SPNS2: variants seen among roughly 807,000 people sequenced by gnomAD.
The protein encoded by SPNS2 is SPNS lysolipid transporter 2, sphingosine-1-phosphate.
SPNS2 carries 37 observed loss-of-function variants against 57.6 expected under a neutral mutation model. That is an observed-to-expected ratio of 0.64 (90% CI 0.49 to 0.85). The LOEUF is 0.85. Among genes scored for constraint, SPNS2 ranks in the 40% least tolerant of loss-of-function variants. The pLI, the probability that SPNS2 is intolerant of heterozygous loss-of-function variation, is 0.00. For synonymous variants in SPNS2, 440 were observed against 346.9 expected, an observed-to-expected ratio of 1.27 and a Z score of -2.98; for missense variants, 831 against 779.1, an observed-to-expected ratio of 1.07 and a Z score of -0.79.
intron 2 of SPNS2, among the ~76,000 whole-genome samples, chr17:4,516,316 C>CAAAAAAA (rs67710825): frequency 1.0e-4 from 7 of 67,504 alleles, no homozygotes; most frequent in African/African-American, 3.0e-4. Context: ...TCTATCTCCC[C>CAAAAAAA]AAAAAAAAAA....
At position 4,532,566 on chromosome 17, in the gene SPNS2, A is replaced by C; in HGVS notation, c.817A>C (p.Thr273Pro). 6.2e-7 allele frequency: 1 copy of C among 1,614,072 alleles called. No homozygotes were observed. The highest frequency in any genetic ancestry group is 8.5e-7 in the Non-Finnish European group (1 of 1,180,026). Residue 273 changes from threonine (T) to proline (P), a missense_variant, in exon 6 of 13, where the codon ACA (threonine) becomes CCA (proline). Thr to Pro is a conservative substitution (Grantham distance 38). Coordinates refer to ENST00000329078, the MANE Select transcript of SPNS2 (RefSeq NM_001124758.3). ...GGTGTCCCCTGTCCTGGGCATGATC[A>C]CAGGAACACTCATCCTCATTCTGGT... ...LRVSPVLGMI[T>P]GTLILILVPA... is the part of the protein sequence containing the mutation.
rs752111711 is a variant in SPNS2, at chr17:4,538,080, G to T, written c.*632G>T. ...TGGAGGACACTGTCTCACTGTCTCG[G>T]GTTGGCTCCCAGCCTGGAGGTCCCA... On this transcript the variant is annotated 3_prime_UTR_variant, in exon 13 of 13. Transcript: ENST00000329078. 6.5e-5 allele frequency: 22 copies of T among 337,360 alleles called. No homozygotes were observed. Among genetic ancestry groups the T allele is most frequent in the Non-Finnish European group, 1.1e-4 (18 of 169,716 alleles). 20.9% of individuals were successfully genotyped at this position (337,360 alleles called of 1,614,324 possible).
At chr17:4,520,086 C>T (rs1033000727) in intron 2 of SPNS2, among the ~76,000 whole-genome samples, 9 of 152,222 alleles carry the variant, frequency 5.9e-5, no homozygotes, top group Admixed American at 2.0e-4. Flanking sequence ...CTGTGCCTTC[C>T]TAATTTGGTC....
chr17:4,527,153 T>C (rs1905280898), intron 3 of SPNS2, among the ~76,000 whole-genome samples: 1 of 152,346 alleles, frequency 6.6e-6, no homozygotes, highest in African/African-American at 2.4e-5. Flanking sequence ...TGCACTGAAA[T>C]CACAATTTGC....
Position 4,532,683 on chromosome 17 carries a change from A to T in SPNS2, c.934A>T (p.Asn312Tyr). The change falls in exon 6 of 13, where the codon AAC (asparagine) becomes TAC (tyrosine). Residue 312 changes from asparagine to tyrosine, a missense_variant and splice_region_variant. Physicochemically the swap from Asn to Tyr is moderately radical, Grantham distance 143 (BLOSUM62 -2). Around this residue, in one of 2 missense-constraint regions of SPNS2, gnomAD observed 526 missense variants for 400.9 expected, o/e 1.31. Coordinates refer to ENST00000329078, the MANE Select transcript of SPNS2 (RefSeq NM_001124758.3). ...WLRDMKALIR[N>Y]RSYVFSSLAT... ...CCGAGATATGAAGGCCCTGATTCGA[A>T]AGTGAGTACCGCGGGAAGGGGTCTG... is the stretch of plus-strand genomic sequence containing the variant. 1 of 1,613,624 alleles carries T rather than the reference A, an allele frequency of 6.2e-7. No homozygotes were observed. Among genetic ancestry groups the T allele is most frequent in the Non-Finnish European group, 8.5e-7 (1 of 1,179,792 alleles).
At position 4,510,100 on chromosome 17, in the gene SPNS2, C is replaced by T. The variant is rs1465588129; in HGVS notation, c.371-3147C>T. Among the ~76,000 whole-genome samples the T allele has an allele frequency of 1.3e-5, 2 of 152,256 alleles. No homozygotes were observed. The highest frequency in any genetic ancestry group is 2.4e-5 in the African/African-American group (1 of 41,480). On this transcript the variant is annotated intron_variant, in intron 1 of 12. Coordinates refer to ENST00000329078, the MANE Select transcript of SPNS2 (RefSeq NM_001124758.3). The surrounding 1 kb of genome is among the most constrained non-coding windows in gnomAD (Gnocchi z 4.4). Reference sequence around the variant, plus strand: ...CTGTGACACACGCTTCCCGTGCCAGCGGCCAGCGGGATCTCACCCTCCTGT... The same window carrying T: ...CTGTGACACACGCTTCCCGTGCCAGTGGCCAGCGGGATCTCACCCTCCTGT...
intron 1 of SPNS2, among the ~76,000 whole-genome samples, chr17:4,501,575 C>A (rs1904514973): frequency 6.6e-6 from 1 of 152,178 alleles, no homozygotes; most frequent in Non-Finnish European, 1.5e-5. Context: ...CACCACCCCA[C>A]CCCCAACACA....
In SPNS2 at chr17:4,499,300, A is replaced by G. The variant is rs1904389479; in HGVS notation, c.253A>G (p.Lys85Glu). The G allele has an allele frequency of 4.7e-6, 7 of 1,494,664 alleles. No homozygotes were observed. The highest frequency in any genetic ancestry group is 6.2e-6 in the Non-Finnish European group (7 of 1,129,024). 92.6% of individuals were successfully genotyped at this position (1,494,664 alleles called of 1,614,324 possible). The change falls in exon 1 of 13, where the codon AAG (lysine) becomes GAG (glutamate). Residue 85 changes from lysine to glutamate, a missense_variant. Physicochemically the swap from Lys to Glu is moderately conservative, Grantham distance 56. Around this residue, in one of 2 missense-constraint regions of SPNS2, gnomAD observed 305 missense variants for 378.3 expected, o/e 0.81. Coordinates refer to ENST00000329078, the MANE Select transcript of SPNS2 (RefSeq NM_001124758.3). The surrounding 1 kb of genome is among the most constrained non-coding windows in gnomAD (Gnocchi z 5.2). ...CACCCCCGGCTGCGCAGCTACTGCA[A>G]AGGGCCCCGGCGCTCAGCAGCCCAA... is the stretch of plus-strand genomic sequence containing the variant. ...PGTPGCAATA[K>E]GPGAQQPKPA...
At position 4,533,794 on chromosome 17, in the gene SPNS2, A is replaced by G. The variant is rs1905618540; in HGVS notation, c.1285A>G (p.Ile429Val). Residue 429 changes from isoleucine (I) to valine (V), a missense_variant, in exon 9 of 13, where the codon ATC (isoleucine) becomes GTC (valine). Physicochemically the swap from Ile to Val is conservative, Grantham distance 29. Around this residue, in one of 2 missense-constraint regions of SPNS2, gnomAD observed 526 missense variants for 400.9 expected, o/e 1.31. Coordinates refer to ENST00000329078, the MANE Select transcript of SPNS2 (RefSeq NM_001124758.3). ...KSSIVGAYIC[I>V]FVGETLLFSN... ...TTTGCCTTCTCCCCGGCAGATCTGT[A>G]TCTTCGTCGGGGAGACGCTGCTGTT... 6 of 1,613,630 alleles carry G rather than the reference A, an allele frequency of 3.7e-6. No individual in the cohort carries two copies. Among genetic ancestry groups the G allele is most frequent in the Non-Finnish European group, 5.1e-6 (6 of 1,180,026 alleles).
At position 4,512,600 on chromosome 17, in the gene SPNS2, C is replaced by T. The variant is rs1363078369; in HGVS notation, c.371-647C>T. 2.0e-5 allele frequency among the ~76,000 whole-genome samples: 3 copies of T among 151,526 alleles called. No individual in the cohort carries two copies. Among genetic ancestry groups the T allele is most frequent in the Admixed American group, 6.5e-5 (1 of 15,280 alleles). ...GCCAGAATCTGAAAATGGAGGGGCC[C>T]GGTTATAATCCTGAGGGCAGCTGGG... is the stretch of plus-strand genomic sequence containing the variant. On this transcript the variant is annotated intron_variant, in intron 1 of 12. Transcript: ENST00000329078. The surrounding 1 kb of genome is among the most constrained non-coding windows in gnomAD (Gnocchi z 5.2).
rs1904904439 is a variant in SPNS2, at chr17:4,513,402, C to A, written c.436+90C>A. ...GGTCGTCATCTGCCACCCGGTCTGT[C>A]TTCCCCTGTCCTGACTCCTGGAAAG... On this transcript the variant is annotated intron_variant, in intron 2 of 12. Transcript: ENST00000329078. 1.9e-5 allele frequency: 27 copies of A among 1,398,886 alleles called. No homozygotes were observed. The South Asian group carries it at 3.0e-4, about 16-fold the overall frequency. The allele number at this position is 1,398,886 out of a possible 1,614,324, so 86.7% of individuals were successfully genotyped here.
rs1304738013 is a variant in SPNS2 at position 4,537,812 on chromosome 17, C to A, written c.*364C>A. On this transcript the variant is annotated 3_prime_UTR_variant, in exon 13 of 13. Transcript: ENST00000329078. ...TCCCTGCCCTCCCTGGAACGAAGGG[C>A]CAGGGGGCTGGACTTTCCCACACAA... The A allele has an allele frequency of 4.4e-6, 2 of 455,596 alleles. No homozygotes were observed. Among genetic ancestry groups the A allele is most frequent in the Non-Finnish European group, 8.8e-6 (2 of 226,170 alleles). The allele number at this position is 455,596 out of a possible 1,614,324, so 28.2% of individuals were successfully genotyped here.
At chr17:4,529,930 C>A (rs530331760) in intron 3 of SPNS2, among the ~76,000 whole-genome samples, 3 of 152,030 alleles carry the variant, frequency 2.0e-5, no homozygotes, top group African/African-American at 7.3e-5. Context: ...GGGCTGGACG[C>A]GGGCGATGCT....
At position 4,499,497 on chromosome 17, in the gene SPNS2, A is replaced by T; in HGVS notation, c.370+80A>T. On this transcript the variant is annotated intron_variant, in intron 1 of 12. Transcript: ENST00000329078. This position sits in a 1 kb window ranked among gnomAD's most constrained non-coding sequence, Gnocchi z 5.2. The stretch of plus-strand genomic sequence containing the variant: ...CCGCCTCGAGGGAGGTACCCCAGAG[A>T]GCTTTTGGTCTCAGGCCTGCTATCT... 1 of 1,011,362 alleles carries T rather than the reference A, an allele frequency of 9.9e-7. No individual in the cohort carries two copies. The highest frequency in any genetic ancestry group is 1.3e-6 in the Non-Finnish European group (1 of 758,842). The allele number at this position is 1,011,362 out of a possible 1,614,324, so 62.6% of individuals were successfully genotyped here.
rs1456950322 is a variant in SPNS2 at position 4,499,924 on chromosome 17, G to A, written c.370+507G>A. ...GCCCCTTGCGGGTGTGCGCTAGGGA[G>A]ACCGGGTGTGTGTGCGCGTGGCGGC... On this transcript the variant is annotated intron_variant, in intron 1 of 12. Coordinates refer to ENST00000329078, the MANE Select transcript of SPNS2 (RefSeq NM_001124758.3). This position sits in a 1 kb window ranked among gnomAD's most constrained non-coding sequence, Gnocchi z 5.2. 6.6e-6 allele frequency among the ~76,000 whole-genome samples: 1 copy of A among 152,222 alleles called. No individual in the cohort carries two copies. The highest frequency in any genetic ancestry group is 2.4e-5 in the African/African-American group (1 of 41,460).
chr17:4,521,394 G>A (rs906391886), intron 2 of SPNS2, among the ~76,000 whole-genome samples: 11 of 152,242 alleles, frequency 7.2e-5, no homozygotes, highest in Admixed American at 5.9e-4. Context: ...CTAAATGTGA[G>A]GAAATAATTT....
intron 9 of SPNS2, 91 bp downstream of exon 9, chr17:4,533,944 G>A (rs115646227): frequency 1.2e-6 from 1 of 861,750 alleles, no homozygotes; most frequent in African/African-American, 1.5e-5. Flanking sequence ...GAAGGGGCGG[G>A]AGAGCTGGTA....
Position 4,536,366 on chromosome 17 carries a change from G to A in SPNS2, c.1547G>A (p.Gly516Asp), listed in dbSNP as rs1905802399. 6.2e-7 allele frequency: 1 copy of A among 1,609,746 alleles called. No homozygotes were observed. Among genetic ancestry groups the A allele is most frequent in the African/African-American group, 1.3e-5 (1 of 75,034 alleles). Reference protein sequence around the residue: ...MLCPFVVVLGGMFFLATALFF... With the variant: ...MLCPFVVVLGDMFFLATALFF... ...TGCCCTTTCGTCGTGGTCCTGGGCG[G>A]CATGTTCTTCCTCGCCACTGCGCTC... Residue 516 changes from glycine (G) to aspartate (D), a missense_variant, in exon 11 of 13, where the codon GGC becomes GAC. Gly to Asp is a moderately conservative substitution (Grantham distance 94, BLOSUM62 -1). Transcript: ENST00000329078.
In SPNS2 at chr17:4,538,590, C is replaced by A; in HGVS notation, c.*1142C>A. On this transcript the variant is annotated 3_prime_UTR_variant, in exon 13 of 13. Transcript: ENST00000329078. ...AGCTTAGCCCCCTGCGTCACCCACT[C>A]CCTGCACTTCTGCTGCAATCAAGGT... is the stretch of plus-strand genomic sequence containing the variant. 1 of 411,860 alleles carries A rather than the reference C, an allele frequency of 2.4e-6. No individual in the cohort carries two copies. Among genetic ancestry groups the A allele is most frequent in the Non-Finnish European group, 4.4e-6 (1 of 225,142 alleles). The allele number at this position is 411,860 out of a possible 1,614,324, so 25.5% of individuals were successfully genotyped here. A position where few individuals can be genotyped will look rare whatever the true frequency, so the allele number is the denominator to read the frequency against.
Sources: gnomAD v4.1 joint callset for allele counts (sites outside exome capture counted in the v4.1 genomes callset) on GRCh38, gnomAD v4.1.1 for gene constraint, gnomAD v4.1.1 regional missense constraint, Gnocchi (gnomAD v3.1) non-coding constraint, MANE v1.5 for transcripts, NCBI Gene and HGNC (gene_info 2026-07-23, HGNC 2026-07-21) for gene names.